The following CSMD2 variants were observed in gnomAD, a reference collection of about 807,000 sequenced individuals.
CSMD2 encodes the protein CUB and sushi domain-containing protein 2.
Under a neutral mutation model 398.5 loss-of-function variants are expected in CSMD2, and 130 were observed. That is an observed-to-expected ratio of 0.33 (90% CI 0.28 to 0.38). CSMD2 has a LOEUF of 0.38. CSMD2 is among the 10% of genes least tolerant of loss of function. The pLI is 1.00. For synonymous variants in CSMD2, 1,828 were observed against 1,908.5 expected (o/e 0.96, Z 1.10); for missense variants, 3,829 against 4,764.9 (o/e 0.80, Z 5.78).
At chr1:33,900,559 C>T (rs1377885667) in intron 5 of CSMD2, among the ~76,000 whole-genome samples, 1 of 152,138 alleles carries the variant, frequency 6.6e-6, no homozygotes, top group Non-Finnish European at 1.5e-5. Flanking sequence ...GGTGGATCAC[C>T]TGAGGTTAGG....
At chr1:33,640,781 G>A (rs1186208782) in intron 29 of CSMD2, among the ~76,000 whole-genome samples, 1 of 152,154 alleles carries the variant, frequency 6.6e-6, no homozygotes, top group African/African-American at 2.4e-5. Flanking sequence ...CAACAAACAT[G>A]CATTCCTTTA....
intron 55 of CSMD2, 73 bp downstream of exon 55, chr1:33,557,651 CACACACACAT>C (rs1322185955): frequency 8.6e-7 from 1 of 1,169,328 alleles, no homozygotes; most frequent in African/African-American, 1.6e-5. Context: ...CACACACACA[CACACACACAT>C]GCACAGAGGG....
At chr1:33,545,445 C>T (rs1389883308) in intron 57 of CSMD2, among the ~76,000 whole-genome samples, 1 of 152,218 alleles carries the variant, frequency 6.6e-6, no homozygotes, top group Admixed American at 6.5e-5. Context: ...GTAGTCTCTT[C>T]CCTTAGACTG....
chr1:33,537,038 T>C lies in CSMD2; in HGVS notation c.9863A>G (p.Asn3288Ser), dbSNP rs1557498280. 6.2e-7 allele frequency: 1 copy of C among 1,614,174 alleles called. No homozygotes were observed. Residue 3288 changes from asparagine to serine, a missense_variant, in exon 62 of 71, where the codon AAT (asparagine) becomes AGT (serine). Transcript: ENST00000373381. The surrounding 1 kb of genome is among the most constrained non-coding windows in gnomAD (Gnocchi z 4.6). ...CCTCCTTACCTGGTAGCCCTGAGAATTGTTCTGTATCCCAAACTGTGGCAC... is the reference window on the plus strand; with the variant it reads ...CCTCCTTACCTGGTAGCCCTGAGAACTGTTCTGTATCCCAAACTGTGGCAC... ...PGVPQFGIQN[N>S]SQGYQVGSTV...
At chr1:33,516,723 A>C (rs1348537299) in intron 70 of CSMD2, among the ~76,000 whole-genome samples, 153 bp from the exon 71 acceptor site, 2 of 152,188 alleles carry the variant, frequency 1.3e-5, no homozygotes, top group Admixed American at 1.3e-4. Context: ...TTTGATTTTT[A>C]ATCTTCCCAG....
At chr1:34,040,803 T>A (rs1274213841) in intron 2 of CSMD2, among the ~76,000 whole-genome samples, 1 of 152,032 alleles carries the variant, frequency 6.6e-6, no homozygotes, top group Non-Finnish European at 1.5e-5. Flanking sequence ...CCAGGAAAAA[T>A]AAAAGGGTGG....
chr1:34,020,891 A>G (rs1648786308), intron 3 of CSMD2, among the ~76,000 whole-genome samples: 3 of 151,980 alleles, frequency 2.0e-5, no homozygotes, highest in Admixed American at 2.0e-4. Context: ...TGGGCTATGG[A>G]CCCTGCAGCT....
chr1:33,676,581 A>G (rs1036189916), intron 25 of CSMD2, among the ~76,000 whole-genome samples: 3 of 152,202 alleles, frequency 2.0e-5, no homozygotes, highest in Non-Finnish European at 2.9e-5. Flanking sequence ...GCTACCAATG[A>G]CTTTCTTCAC....
intron 12 of CSMD2, among the ~76,000 whole-genome samples, chr1:33,785,184 A>G (rs922620111): frequency 6.6e-6 from 1 of 152,222 alleles, no homozygotes; most frequent in Non-Finnish European, 1.5e-5. Context: ...CACAGCACCC[A>G]GCAAAATGTT....
rs978527893 is a variant in CSMD2 at position 33,633,504 on chromosome 1, C to G, written c.5118G>C (p.Thr1706=). ...GAACCTCCACCACGTCGTTGAGGGC[C>G]GTGTGAAAGAAGGCGAACTGGCCAA... The part of the protein sequence containing the change: ...VVFGQFAFFH[T]ALNDVVEVHD... Residue 1706 remains threonine (T), a synonymous_variant, in exon 32 of 71, where the codon ACG becomes ACC. Transcript: ENST00000373381. The surrounding 1 kb of genome is among the most constrained non-coding windows in gnomAD (Gnocchi z 5.0). 1.3e-6 allele frequency: 2 copies of G among 1,553,294 alleles called. No homozygotes were observed. The highest frequency in any genetic ancestry group is 1.7e-6 in the Non-Finnish European group (2 of 1,147,790).
At chr1:33,866,790 T>C (rs1315505520) in intron 5 of CSMD2, among the ~76,000 whole-genome samples, 3 of 152,272 alleles carry the variant, frequency 2.0e-5, no homozygotes, top group Non-Finnish European at 4.4e-5. Flanking sequence ...TGCCATGATA[T>C]GGTGGTCCCC....
Position 33,550,343 on chromosome 1 carries a change from G to A in CSMD2, c.8751C>T (p.Ser2917=). ...GAGGCGGGGAGCCCGGATGGCCACA[G>A]GACACCACTGTGGGGGAAAAGCAAA... ...DRPRPQCLLV[S]CGHPGSPPHS... The change falls in exon 56 of 71, where the codon TCC becomes TCT. Residue 2917 remains serine (S), a synonymous_variant. Coordinates refer to ENST00000373381, the MANE Select transcript of CSMD2 (RefSeq NM_001281956.2). 1.2e-6 allele frequency: 2 copies of A among 1,613,664 alleles called. No homozygotes were observed. Among genetic ancestry groups the A allele is most frequent in the East Asian group, 2.2e-5 (1 of 44,882 alleles).
intron 3 of CSMD2, among the ~76,000 whole-genome samples, chr1:34,032,122 C>T (rs945704441): frequency 6.6e-6 from 1 of 152,136 alleles, no homozygotes; most frequent in Non-Finnish European, 1.5e-5. Flanking sequence ...AGCCCCTAAT[C>T]CATGCTATTA....
chr1:33,643,051 C>T (rs1643202768), intron 29 of CSMD2, among the ~76,000 whole-genome samples: 1 of 152,160 alleles, frequency 6.6e-6, no homozygotes, highest in African/African-American at 2.4e-5. Context: ...AGCCACAGCT[C>T]CCAGGATACC....
chr1:34,132,499 G>A (rs1663465827), intron 1 of CSMD2, among the ~76,000 whole-genome samples: 1 of 152,182 alleles, frequency 6.6e-6, no homozygotes. Context: ...AACTTTATGT[G>A]TCAACTTGAC....
At chr1:33,878,147 C>T (rs1175332290) in intron 5 of CSMD2, 1 of 152,222 alleles carries the variant, frequency 6.6e-6, no homozygotes, top group East Asian at 1.9e-4. Context: ...TGTATTTGTT[C>T]AGCAAATTCT....
chr1:33,918,365 T>A, intron 4 of CSMD2, 64 bp from the exon 5 acceptor site: 1 of 1,333,392 alleles, frequency 7.5e-7, no homozygotes, highest in South Asian at 1.2e-5. Flanking sequence ...GCACTCACCA[T>A]GGGCTATACC....
intron 53 of CSMD2, 98 bp downstream of exon 53, chr1:33,567,495 A>T: frequency 2.2e-6 from 2 of 895,736 alleles, no homozygotes; most frequent in East Asian, 3.0e-5. Context: ...ATATATATAT[A>T]TTTAAAACAA....
intron 44 of CSMD2, among the ~76,000 whole-genome samples, chr1:33,590,155 T>G (rs1639333975): frequency 6.6e-6 from 1 of 151,648 alleles, no homozygotes; most frequent in Admixed American, 6.6e-5. Context: ...AGGGTCTTGC[T>G]CTGTCACCCA....
Sources: allele counts gnomAD v4.1 joint callset (sites outside exome capture counted in the v4.1 genomes callset), GRCh38; gene constraint gnomAD v4.1.1; non-coding constraint Gnocchi (gnomAD v3.1); transcripts MANE v1.5; gene names NCBI Gene and HGNC (gene_info 2026-07-23, HGNC 2026-07-21).